The following ANAPC1 variants were observed in gnomAD, a reference collection of about 807,000 sequenced individuals.
The protein encoded by ANAPC1 is anaphase promoting complex subunit 1, also known as anaphase-promoting complex subunit 1.
In ANAPC1, 36 loss-of-function variants were observed where a neutral mutation model predicts 208.0. That is an observed-to-expected ratio of 0.17 (90% CI 0.13 to 0.23). The LOEUF is 0.23. Ranked by LOEUF, ANAPC1 falls within the 10% of genes least tolerant of loss-of-function variation. The pLI is 1.00. For synonymous variants in ANAPC1, 378 were observed against 695.2 expected (o/e 0.54, Z 7.18); for missense variants, 942 against 2,011.6 (o/e 0.47, Z 10.17).
At chr2:111,771,952 G>T (rs879390089) in intron 47 of ANAPC1, among the ~76,000 whole-genome samples, 6,699 of 126,546 alleles carry the variant, frequency 0.053, no homozygotes, top group African/African-American at 0.09. Context: ...CACAAAATTA[G>T]GTATTTATTA....
chr2:111,826,914 C>T (rs908832935), intron 21 of ANAPC1, among the ~76,000 whole-genome samples: 1 of 152,132 alleles, frequency 6.6e-6, no homozygotes, highest in African/African-American at 2.4e-5. Flanking sequence ...CCTCCTCGGC[C>T]TCCCAAAGTG....
At chr2:111,830,089 A>C (rs1367404108) in intron 21 of ANAPC1, among the ~76,000 whole-genome samples, 2 of 151,710 alleles carry the variant, frequency 1.3e-5, no homozygotes, top group African/African-American at 4.9e-5. Flanking sequence ...AATAAAAATA[A>C]AATCAGTATG....
Position 111,794,256 on chromosome 2 carries a change from T to C in ANAPC1, c.4441A>G (p.Asn1481Asp). Residue 1481 changes from asparagine (N) to aspartate (D), a missense_variant, in exon 36 of 48, where the codon AAC (asparagine) becomes GAC (aspartate). By Grantham distance (23) the Asn-to-Asp change is conservative (BLOSUM62 1). Coordinates refer to ENST00000341068, the MANE Select transcript of ANAPC1 (RefSeq NM_022662.4). ...ACCAAACAGTTAAATGCTGATAAGT[T>C]TTCTGAGCCAGCAAATCGAAAACCC... is the stretch of plus-strand genomic sequence containing the variant. Reference protein sequence around the residue: ...SLGFRFAGSENLSAFNCLHKF... With the variant: ...SLGFRFAGSEDLSAFNCLHKF... 1 of 1,613,018 alleles carries C rather than the reference T, an allele frequency of 6.2e-7. No homozygotes were observed. The highest frequency in any genetic ancestry group is 8.5e-7 in the Non-Finnish European group (1 of 1,179,510).
At chr2:111,801,940 TA>T (rs1678464945) in intron 33 of ANAPC1, among the ~76,000 whole-genome samples, 1 of 151,890 alleles carries the variant, frequency 6.6e-6, no homozygotes, top group Non-Finnish European at 1.5e-5. Flanking sequence ...TTTAGACAAT[TA>T]AGTGAATTGT....
intron 47 of ANAPC1, among the ~76,000 whole-genome samples, chr2:111,770,365 T>G (rs1286974413): frequency 7.2e-6 from 1 of 139,710 alleles, no homozygotes; most frequent in Non-Finnish European, 1.5e-5. Context: ...GTCTATACTT[T>G]TAAAATGTCT....
rs372146095 is a variant in ANAPC1 at position 111,833,327 on chromosome 2, C to T, written c.2385-16G>A. 3.6e-5 allele frequency: 57 copies of T among 1,563,212 alleles called. No individual in the cohort carries two copies. The African/African-American group carries it at 6.3e-4, about 17-fold the overall frequency. ...TTTTAAGTCCCTAAAACAGTAAGGGCATGTAAAAAAGAAGGTATTACAGCA... is the reference window on the plus strand; with the variant it reads ...TTTTAAGTCCCTAAAACAGTAAGGGTATGTAAAAAAGAAGGTATTACAGCA... On this transcript the variant is annotated splice_polypyrimidine_tract_variant and intron_variant, in intron 19 of 47. Coordinates refer to ENST00000341068, the MANE Select transcript of ANAPC1 (RefSeq NM_022662.4).
chr2:111,772,207 A>C, intron 47 of ANAPC1, 134 bp downstream of exon 47: 1 of 610,774 alleles, frequency 1.6e-6, no homozygotes, highest in Non-Finnish European at 3.0e-6. Context: ...TTTTGCTCCA[A>C]AACAGTCCCT....
At chr2:111,823,073 G>A (rs1451796564) in intron 24 of ANAPC1, among the ~76,000 whole-genome samples, 14 of 125,574 alleles carry the variant, frequency 1.1e-4, no homozygotes, top group Admixed American at 1.0e-3. Flanking sequence ...GCAGTGGCGC[G>A]ATCTTGGCTC....
chr2:111,847,013 C>T (rs1307381063), intron 16 of ANAPC1, 125 bp downstream of exon 16: 1 of 736,632 alleles, frequency 1.4e-6, no homozygotes, highest in African/African-American at 1.8e-5. Context: ...CTCTTTAAAG[C>T]TCCTCTACAA....
At chr2:111,830,399 C>T (rs1322274059) in intron 21 of ANAPC1, among the ~76,000 whole-genome samples, 1 of 151,764 alleles carries the variant, frequency 6.6e-6, no homozygotes, top group African/African-American at 2.4e-5. Context: ...GATTAGAGAT[C>T]TAAATGTAAA....
At chr2:111,775,343 T>G (rs1377901530) in intron 46 of ANAPC1, among the ~76,000 whole-genome samples, 1 of 152,206 alleles carries the variant, frequency 6.6e-6, no homozygotes, top group Non-Finnish European at 1.5e-5. Context: ...ATTTAATGGG[T>G]TATCTCAGAT....
At chr2:111,833,011 T>C (rs919755627) in intron 20 of ANAPC1, among the ~76,000 whole-genome samples, 2 of 148,228 alleles carry the variant, frequency 1.3e-5, no homozygotes, top group African/African-American at 5.0e-5. Context: ...ACCTTAGGGA[T>C]GGGTAACATT....
At chr2:111,774,245 G>C in intron 46 of ANAPC1, among the ~76,000 whole-genome samples, 1 of 140,900 alleles carries the variant, frequency 7.1e-6, no homozygotes, top group African/African-American at 2.6e-5. Context: ...TTTTTAAAGA[G>C]GATTTTTTTT....
chr2:111,829,700 A>T (rs1355444037), intron 21 of ANAPC1, among the ~76,000 whole-genome samples: 1 of 148,694 alleles, frequency 6.7e-6, no homozygotes, highest in Non-Finnish European at 1.5e-5. Flanking sequence ...AAAAAATAAT[A>T]AAAATAAATA....
At chr2:111,806,318 C>T (rs1202838254) in intron 29 of ANAPC1, among the ~76,000 whole-genome samples, 2 of 47,174 alleles carry the variant, frequency 4.2e-5, no homozygotes, top group Non-Finnish European at 8.5e-5. Flanking sequence ...GATCACTTGA[C>T]GTCAGGAGTT....
At chr2:111,777,398 G>A (rs1677049407) in intron 45 of ANAPC1, among the ~76,000 whole-genome samples, 1 of 152,034 alleles carries the variant, frequency 6.6e-6, no homozygotes, top group Non-Finnish European at 1.5e-5. Context: ...ACATGGCAGA[G>A]ATCCCAGGGG....
At chr2:111,835,655 G>A (rs1170906311) in intron 18 of ANAPC1, among the ~76,000 whole-genome samples, 1 of 151,696 alleles carries the variant, frequency 6.6e-6, no homozygotes, top group Non-Finnish European at 1.5e-5. Flanking sequence ...TGGCTAACAC[G>A]GTGGAACCCC....
chr2:111,843,843 G>C (rs78527642), intron 16 of ANAPC1, among the ~76,000 whole-genome samples: 1 of 6,500 alleles, frequency 1.5e-4, no homozygotes, highest in African/African-American at 5.7e-4. Flanking sequence ...TTTTTTTTTT[G>C]AGAGGGTGTC....
chr2:111,883,903 C>A (rs1007902505), intron 1 of ANAPC1, 39 bp downstream of exon 1: 6 of 152,294 alleles, frequency 3.9e-5, no homozygotes, highest in African/African-American at 1.2e-4. Flanking sequence ...TCACGCGGCG[C>A]GCGACAGACC....
Sources: gnomAD v4.1 joint callset for allele counts (sites outside exome capture counted in the v4.1 genomes callset) on GRCh38, gnomAD v4.1.1 for gene constraint, MANE v1.5 for transcripts, NCBI Gene and HGNC (gene_info 2026-07-23, HGNC 2026-07-21) for gene names.